The following HDAC6 variants were observed in gnomAD, a reference collection of about 807,000 sequenced individuals.
HDAC6 encodes the protein histone deacetylase 6.
A neutral mutation model predicts 88.9 loss-of-function variants in HDAC6; 5 were observed. The observed-to-expected ratio is 0.06, with a 90% confidence interval of 0.03 to 0.12. The LOEUF (loss-of-function observed/expected upper bound fraction) is 0.12, where lower values mean the gene tolerates loss of function less well. Among genes scored for constraint, HDAC6 ranks in the 10% least tolerant of loss-of-function variants. The pLI is 1.00. For missense variants in HDAC6, 706 were observed against 1,014.4 expected, an observed-to-expected ratio of 0.70 and a Z score of 4.13; for synonymous variants, 378 against 398.0, an observed-to-expected ratio of 0.95 and a Z score of 0.60.
At position 48,803,114 on chromosome X, in the gene HDAC6, T is replaced by C. The variant is rs1557023034; in HGVS notation, c.223-14T>C. 22 of 1,205,450 alleles carry C rather than the reference T, an allele frequency of 1.8e-5. No individual in the cohort carries two copies. The highest frequency in any genetic ancestry group is 2.4e-5 in the Non-Finnish European group (21 of 892,354). On this transcript the variant is annotated splice_polypyrimidine_tract_variant and intron_variant, in intron 3 of 28. Coordinates refer to ENST00000334136, the MANE Select transcript of HDAC6 (RefSeq NM_006044.4). ...TAAAATGGATCTGTGTCTCCTTTTT[T>C]TTTTCCTCTGCAGGATCTGAACCTT...
At position 48,802,142 on chromosome X, in the gene HDAC6, G is replaced by C; in HGVS notation, c.-31G>C. The C allele has an allele frequency of 1.1e-6, 1 of 884,109 alleles. No individual in the cohort carries two copies. Among genetic ancestry groups the C allele is most frequent in the Non-Finnish European group, 1.4e-6 (1 of 714,859 alleles). The allele number at this position is 884,109 out of a possible 1,213,427, so 72.9% of individuals were successfully genotyped here. A position where few individuals can be genotyped will look rare whatever the true frequency, so the allele number is the denominator to read the frequency against. On this transcript the variant is annotated splice_region_variant and 5_prime_UTR_variant, in exon 1 of 29. Coordinates refer to ENST00000334136, the MANE Select transcript of HDAC6 (RefSeq NM_006044.4). The stretch of plus-strand genomic sequence containing the variant: ...AGGGGCGGGATCTGGCGGAGTGGAA[G>C]GTACCGGTCCGGCCCGATAAGGGGT...
intron 17 of HDAC6, 43 bp from the exon 18 acceptor site, chrX:48,816,098 C>G: frequency 3.3e-6 from 4 of 1,209,556 alleles, no homozygotes; most frequent in East Asian, 3.0e-5. Context: ...GGGTCCCTCC[C>G]CCTCAGGCAC....
chrX:48,801,850 G>A (rs1227273391), upstream of HDAC6: 1 of 971,111 alleles, frequency 1.0e-6, no homozygotes, highest in African/African-American at 2.0e-5. Flanking sequence ...GAAAAGAAAA[G>A]CCTGAGCGCT....
At position 48,806,483 on chromosome X, in the gene HDAC6, C is replaced by T. The variant is rs782800530; in HGVS notation, c.534+19C>T. On this transcript the variant is annotated intron_variant, in intron 7 of 28. Coordinates refer to ENST00000334136, the MANE Select transcript of HDAC6 (RefSeq NM_006044.4). ...GCATCCGGTATGGATGAGAACTCTGCGGGCAGGGAATGGTGGCAATCTTGG... is the reference window on the plus strand; with the variant it reads ...GCATCCGGTATGGATGAGAACTCTGTGGGCAGGGAATGGTGGCAATCTTGG... 6 of 1,123,341 alleles carry T rather than the reference C, an allele frequency of 5.3e-6. No homozygotes were observed. The African/African-American group carries it at 5.4e-5, about 10-fold the overall frequency. The allele number at this position is 1,123,341 out of a possible 1,213,427, so 92.6% of individuals were successfully genotyped here.
intron 20 of HDAC6, chrX:48,817,729 C>T (rs1294534068): frequency 4.4e-5 from 18 of 411,447 alleles, no homozygotes; most frequent in Admixed American, 3.8e-4. Context: ...GCAGCTGCCT[C>T]GACAGAACCC....
rs782458401 is a variant in HDAC6, at chrX:48,808,343, A to G, written c.806+17A>G. 1 of 1,161,941 alleles carries G rather than the reference A, an allele frequency of 8.6e-7. No homozygotes were observed. Among genetic ancestry groups the G allele is most frequent in the East Asian group, 3.0e-5 (1 of 33,240 alleles). ...GGACCCCAGGTATACCCCGACTCCC[A>G]CCTAGGTGCTAGACTCCCAGCCACC... is the stretch of plus-strand genomic sequence containing the variant. On this transcript the variant is annotated intron_variant, in intron 10 of 28. Coordinates refer to ENST00000334136, the MANE Select transcript of HDAC6 (RefSeq NM_006044.4).
chrX:48,805,506 G>A lies in HDAC6; in HGVS notation c.380G>A (p.Arg127His). The A allele has an allele frequency of 8.3e-7, 1 of 1,207,882 alleles. No individual in the cohort carries two copies. Among genetic ancestry groups the A allele is most frequent in the Non-Finnish European group, 1.1e-6 (1 of 892,757 alleles). ...EQLIQEGLLD[R>H]CVSFQARFAE... ...CTGATCCAGGAGGGCCTCCTAGATC[G>A]CTGCGTGTCCTTTCAGGTAAGGCCC... Residue 127 changes from arginine (R) to histidine (H), a missense_variant, in exon 5 of 29, where the codon CGC becomes CAC. Transcript: ENST00000334136.
intron 10 of HDAC6, chrX:48,810,576 GTCTC>G (rs1229479219): frequency 9.1e-6 from 1 of 109,889 alleles, no homozygotes; most frequent in Non-Finnish European, 1.9e-5. Flanking sequence ...GATCCTCTAT[GTCTC>G]TCTCTTTTTT....
intron 15 of HDAC6, 33 bp downstream of exon 15, chrX:48,815,523 C>T (rs2062970663): frequency 1.7e-6 from 2 of 1,194,226 alleles, no homozygotes; most frequent in African/African-American, 3.5e-5. Flanking sequence ...AAAGCGGGAG[C>T]CTCACTGCCC....
Position 48,823,748 on chromosome X carries a change from C to G in HDAC6, c.3266C>G (p.Ser1089Trp), listed in dbSNP as rs184473518. ...GCTGGAGGTCAGGACATGGCTGATT[C>G]GATGCTGATGCAGGGATCTAGGGGC... ...EAAGGQDMADSMLMQGSRGLT... is the reference protein window; with the variant it reads ...EAAGGQDMADWMLMQGSRGLT... The change falls in exon 26 of 29, where the codon TCG (serine) becomes TGG (tryptophan). Residue 1089 changes from serine (S) to tryptophan (W), a missense_variant. By Grantham distance (177) the Ser-to-Trp change is radical. Around this residue, in one of 9 missense-constraint regions of HDAC6, gnomAD observed 112 missense variants for 95.1 expected, o/e 1.18. Coordinates refer to ENST00000334136, the MANE Select transcript of HDAC6 (RefSeq NM_006044.4). The G allele has an allele frequency of 7.5e-6, 9 of 1,207,344 alleles. No homozygotes were observed. The East Asian group carries it at 1.8e-4, about 24-fold the overall frequency.
At chrX:48,814,780 T>C in intron 12 of HDAC6, 40 bp downstream of exon 12, 2 of 1,209,651 alleles carry the variant, frequency 1.7e-6, no homozygotes, top group East Asian at 5.9e-5. Flanking sequence ...AGGAGTGGCC[T>C]TGAAGGTTAG....
At position 48,802,087 on chromosome X, in the gene HDAC6, C is replaced by G; in HGVS notation, c.-86C>G. The G allele has an allele frequency of 1.1e-6, 1 of 893,939 alleles. No homozygotes were observed. Among genetic ancestry groups the G allele is most frequent in the Non-Finnish European group, 1.4e-6 (1 of 719,091 alleles). The allele number at this position is 893,939 out of a possible 1,213,427, so 73.7% of individuals were successfully genotyped here. On this transcript the variant is annotated 5_prime_UTR_variant, in exon 1 of 29. Coordinates refer to ENST00000334136, the MANE Select transcript of HDAC6 (RefSeq NM_006044.4). ...GAGCTGGTTGAAGGAACGGGGCAGT[C>G]CCCTGAGGAGCGGGGCTGGTTGAAA...
chrX:48,814,009 C>T, intron 10 of HDAC6: 1 of 130,331 alleles, frequency 7.7e-6, no homozygotes, highest in South Asian at 2.3e-4. Context: ...GCTGTTACTA[C>T]TACCTTTGTC....
rs146616822 is a variant in HDAC6, at chrX:48,822,998, A to T, written c.2599A>T (p.Met867Leu). 13 of 1,209,416 alleles carry T rather than the reference A, an allele frequency of 1.1e-5. No individual in the cohort carries two copies. Among genetic ancestry groups the T allele is most frequent in the Non-Finnish European group, 1.3e-5 (12 of 894,851 alleles). Reference protein sequence around the residue: ...QPAKPRLAERMTTREKKVLEA... With the variant: ...QPAKPRLAERLTTREKKVLEA... ...AGCCAAACCTAGGTTAGCTGAGCGGATGACCACACGAGAAAAGAAGGTTCT... is the reference window on the plus strand; with the variant it reads ...AGCCAAACCTAGGTTAGCTGAGCGGTTGACCACACGAGAAAAGAAGGTTCT... Residue 867 changes from methionine (M) to leucine (L), a missense_variant, in exon 25 of 29, where the codon ATG becomes TTG. Around this residue, in one of 9 missense-constraint regions of HDAC6, gnomAD observed 89 missense variants for 90.9 expected, o/e 0.98. Transcript: ENST00000334136.
chrX:48,824,636 A>G lies in HDAC6; in HGVS notation c.*24A>G. ...AAGCCCCAGAATACGGTCCCTCTTC[A>G]CCTTCTGAGGCCCACGATAGACCAG... On this transcript the variant is annotated 3_prime_UTR_variant, in exon 29 of 29. Transcript: ENST00000334136. 1 of 1,204,962 alleles carries G rather than the reference A, an allele frequency of 8.3e-7. No homozygotes were observed. Among genetic ancestry groups the G allele is most frequent in the Non-Finnish European group, 1.1e-6 (1 of 891,464 alleles).
chrX:48,813,733 TAGA>T (rs1557026396), intron 10 of HDAC6: 2 of 111,630 alleles, frequency 1.8e-5, no homozygotes, highest in African/African-American at 6.5e-5. Context: ...GCCTATAAAA[TAGA>T]AGAAGTAGTA....
chrX:48,820,930 C>T (rs1247472196), intron 23 of HDAC6, among the ~76,000 whole-genome samples: 8 of 111,205 alleles, frequency 7.2e-5, no homozygotes, highest in East Asian at 2.8e-4. Context: ...CTCCACCTCC[C>T]GGCTTCAAGT....
intron 10 of HDAC6, among the ~76,000 whole-genome samples, chrX:48,811,905 C>G (rs1335098599): frequency 8.9e-6 from 1 of 112,142 alleles, no homozygotes; most frequent in Non-Finnish European, 1.9e-5. Context: ...TTCATCTATA[C>G]CTGTACCCAC....
At chrX:48,817,160 G>A in intron 19 of HDAC6, 166 bp from the exon 20 acceptor site, 1 of 499,620 alleles carries the variant, frequency 2.0e-6, no homozygotes, top group South Asian at 4.7e-5. Flanking sequence ...GCTGAGGCAG[G>A]AGAATGGCGG....
Sources: gnomAD v4.1 joint callset for allele counts (sites outside exome capture counted in the v4.1 genomes callset) on GRCh38, gnomAD v4.1.1 for gene constraint, gnomAD v4.1.1 regional missense constraint, MANE v1.5 for transcripts, NCBI Gene and HGNC (gene_info 2026-07-23, HGNC 2026-07-21) for gene names.